Variants in RAI1 observed in about 807,000 individuals in gnomAD.
RAI1 encodes retinoic acid-induced protein 1.
Under a neutral mutation model 123.8 loss-of-function variants are expected in RAI1, and 9 were observed. The observed-to-expected ratio is 0.07, with a 90% CI of 0.04 to 0.13. The LOEUF (loss-of-function observed/expected upper bound fraction) is 0.13. Ranked by LOEUF, RAI1 falls within the 10% of genes least tolerant of loss-of-function variation. The probability of loss-of-function intolerance (pLI) is 1.00; values close to 1 mark genes in which losing one functional copy is unlikely to be tolerated. For missense variants in RAI1, 2,256 were observed against 2,545.8 expected (o/e 0.89, Z 2.45); for synonymous variants, 1,231 against 1,127.3 (o/e 1.09, Z -1.84).
chr17:17,806,120 C>T (rs2032588501), intron 4 of RAI1, among the ~76,000 whole-genome samples: 1 of 152,242 alleles, frequency 6.6e-6, no homozygotes, highest in African/African-American at 2.4e-5. Flanking sequence ...TTAGGGAGAC[C>T]AGACGGGAAG....
intron 2 of RAI1, among the ~76,000 whole-genome samples, chr17:17,726,683 A>G (rs1916100248): frequency 6.6e-6 from 1 of 151,944 alleles, no homozygotes; most frequent in African/African-American, 2.4e-5. Context: ...TTTTTTTTAA[A>G]CCTTTTTGAA....
intron 2 of RAI1, among the ~76,000 whole-genome samples, chr17:17,733,770 G>C (rs1429282938): frequency 6.6e-6 from 1 of 152,092 alleles, no homozygotes; most frequent in Non-Finnish European, 1.5e-5. Context: ...CCATGTTCTC[G>C]TACATAACCT....
intron 1 of RAI1, among the ~76,000 whole-genome samples, chr17:17,691,021 A>G (rs2142865743): frequency 6.6e-6 from 1 of 152,322 alleles, no homozygotes; most frequent in Middle Eastern, 3.4e-3. Context: ...TCTGATAGGG[A>G]AAATGAAATT....
intron 2 of RAI1, chr17:17,782,144 C>G (rs978903785): frequency 1.3e-5 from 2 of 151,512 alleles, no homozygotes; most frequent in African/African-American, 4.9e-5. Context: ...GAGATTTAGC[C>G]GTGCGATGCC....
chr17:17,794,595 G>A lies in RAI1; in HGVS notation c.1647G>A (p.Lys549=). Residue 549 remains lysine (K), a synonymous_variant, in exon 3 of 6, where the codon AAG becomes AAA. Transcript: ENST00000353383. The stretch of plus-strand genomic sequence containing the variant: ...GGGTCAACAGCAACTCGAAGGCCAA[G>A]CCCGAGTCCGTGTCCACCTGTTCTG... ...PARVNSNSKA[K]PESVSTCSVT... 3 of 1,613,226 alleles carry A rather than the reference G, an allele frequency of 1.9e-6. No homozygotes were observed. The highest frequency in any genetic ancestry group is 2.5e-6 in the Non-Finnish European group (3 of 1,180,038).
At position 17,801,270 on chromosome 17, in the gene RAI1, G is replaced by A. The variant is rs950485617; in HGVS notation, c.5566-2486G>A. 7.2e-5 allele frequency among the ~76,000 whole-genome samples: 11 copies of A among 152,272 alleles called. No individual in the cohort carries two copies. The highest frequency in any genetic ancestry group is 3.9e-4 in the Admixed American group (6 of 15,306). ...GTGAGAGGGACCCATAGCGGGCTCCGGGCATTGTTAGGGGGCTAGGTGGTG... is the reference window on the plus strand; with the variant it reads ...GTGAGAGGGACCCATAGCGGGCTCCAGGCATTGTTAGGGGGCTAGGTGGTG... On this transcript the variant is annotated intron_variant, in intron 3 of 5. Transcript: ENST00000353383. This position sits in a 1 kb window ranked among gnomAD's most constrained non-coding sequence, Gnocchi z 4.1.
intron 4 of RAI1, among the ~76,000 whole-genome samples, chr17:17,808,049 G>T (rs1309622703): frequency 6.6e-6 from 1 of 152,228 alleles, no homozygotes; most frequent in African/African-American, 2.4e-5. Flanking sequence ...CACCTCCAGT[G>T]TGAACAGGAA....
In RAI1 at chr17:17,685,455, C is replaced by T. The variant is rs1055058360; in HGVS notation, c.-149+3662C>T. Among the ~76,000 whole-genome samples, 1 of 152,114 alleles carries T rather than the reference C, an allele frequency of 6.6e-6. No individual in the cohort carries two copies. The highest frequency in any genetic ancestry group is 6.5e-5 in the Admixed American group (1 of 15,284). On this transcript the variant is annotated intron_variant, in intron 1 of 5. Transcript: ENST00000353383. This position sits in a 1 kb window ranked among gnomAD's most constrained non-coding sequence, Gnocchi z 4.0. ...CTTTGAGCAGGTGCTTCAGGCACGG[C>T]GAGGTAAGAGTGAGAGGAGCATTCC... is the stretch of plus-strand genomic sequence containing the variant.
Position 17,797,839 on chromosome 17 carries a change from GCCT to G in RAI1, c.4896_4898del (p.Ser1639del), listed in dbSNP as rs2032320608. Reference sequence around the variant, plus strand: ...GCCCCACAGGAAGCCTTCCTCCTCTGCCTCCTCTTCCTCATCCTCGTCCTCGTT... The same window carrying G: ...GCCCCACAGGAAGCCTTCCTCCTCTGCCTCTTCCTCATCCTCGTCCTCGTT... On this transcript the variant is annotated inframe_deletion, in exon 3 of 6. Coordinates refer to ENST00000353383, the MANE Select transcript of RAI1 (RefSeq NM_030665.4). 2 of 1,613,938 alleles carry G rather than the reference GCCT, an allele frequency of 1.2e-6. No individual in the cohort carries two copies. Among genetic ancestry groups the G allele is most frequent in the Non-Finnish European group, 1.7e-6 (2 of 1,179,994 alleles).
intron 4 of RAI1, among the ~76,000 whole-genome samples, chr17:17,808,174 G>T (rs1292657001): frequency 1.3e-5 from 2 of 152,014 alleles, no homozygotes; most frequent in Non-Finnish European, 2.9e-5. Flanking sequence ...AGAGACTGGG[G>T]GGTCCCTGGG....
intron 2 of RAI1, among the ~76,000 whole-genome samples, chr17:17,727,987 T>G (rs942492291): frequency 3.3e-5 from 5 of 152,004 alleles, no homozygotes; most frequent in African/African-American, 1.2e-4. Flanking sequence ...CCTGCTTGTG[T>G]ATTGCTTAAG....
Position 17,809,773 on chromosome 17 carries a change from C to A in RAI1, c.5710-197C>A, listed in dbSNP as rs2032680933. Among the ~76,000 whole-genome samples, 1 of 152,102 alleles carries A rather than the reference C, an allele frequency of 6.6e-6. No individual in the cohort carries two copies. The highest frequency in any genetic ancestry group is 2.1e-4 in the South Asian group (1 of 4,832). On this transcript the variant is annotated intron_variant, in intron 5 of 5. Transcript: ENST00000353383. The surrounding 1 kb of genome is among the most constrained non-coding windows in gnomAD (Gnocchi z 4.9). ...GGGGGCGCGGGACGGTGGCACGGAG[C>A]TGAAGGCGAAGGTGAAGGTGAAGCT...
Position 17,796,896 on chromosome 17 carries a change from C to G in RAI1, c.3948C>G (p.Thr1316=), listed in dbSNP as rs372190173. 1 of 1,613,172 alleles carries G rather than the reference C, an allele frequency of 6.2e-7. No individual in the cohort carries two copies. The highest frequency in any genetic ancestry group is 1.3e-5 in the African/African-American group (1 of 74,922). The change falls in exon 3 of 6, where the codon ACC becomes ACG. Residue 1316 remains threonine, a synonymous_variant. Coordinates refer to ENST00000353383, the MANE Select transcript of RAI1 (RefSeq NM_030665.4). This position sits in a 1 kb window ranked among gnomAD's most constrained non-coding sequence, Gnocchi z 5.8. ...CAGCCTTCCAGGGGGCCATGAAGAC[C>G]AAGGTGCTGCCACCCCGGAAGGGCC... ...SRAAFQGAMK[T]KVLPPRKGRG...
chr17:17,706,031 A>G (rs1303755539), intron 1 of RAI1, among the ~76,000 whole-genome samples: 2 of 148,414 alleles, frequency 1.3e-5, no homozygotes, highest in African/African-American at 2.6e-5. Context: ...TCAAAAAAAA[A>G]AAAAAAAAAA....
intron 2 of RAI1, chr17:17,778,840 C>T: frequency 2.2e-6 from 1 of 456,798 alleles, no homozygotes; most frequent in African/African-American, 2.0e-5. Flanking sequence ...CTCTCTCCCC[C>T]AGATGCTGAG....
chr17:17,716,823 G>T (rs1213417797), intron 1 of RAI1, among the ~76,000 whole-genome samples: 1 of 152,216 alleles, frequency 6.6e-6, no homozygotes, highest in African/African-American at 2.4e-5. Context: ...TGGGCTTAGC[G>T]TGGGGCACTG....
intron 1 of RAI1, among the ~76,000 whole-genome samples, chr17:17,696,505 C>T (rs941243117): frequency 6.6e-6 from 1 of 152,192 alleles, no homozygotes. Flanking sequence ...GCTTTTCTTA[C>T]TTAATGCTGT....
At chr17:17,748,782 G>C (rs1217193515) in intron 2 of RAI1, among the ~76,000 whole-genome samples, 1 of 152,160 alleles carries the variant, frequency 6.6e-6, no homozygotes, top group Non-Finnish European at 1.5e-5. Context: ...GCAGAGGCGA[G>C]CCTGAAAGCT....
intron 2 of RAI1, among the ~76,000 whole-genome samples, chr17:17,774,034 C>CTG (rs997578445): frequency 1.3e-5 from 2 of 152,140 alleles, no homozygotes; most frequent in African/African-American, 4.8e-5. Flanking sequence ...CACTTACAAG[C>CTG]TGTGTGACTT....
Sources: allele counts gnomAD v4.1 joint callset (sites outside exome capture counted in the v4.1 genomes callset), GRCh38; gene constraint gnomAD v4.1.1; non-coding constraint Gnocchi (gnomAD v3.1); transcripts MANE v1.5; gene names NCBI Gene and HGNC (gene_info 2026-07-23, HGNC 2026-07-21).